The following MICAL3 variants were observed in gnomAD, a reference collection of about 807,000 sequenced individuals.
The protein encoded by MICAL3 is microtubule associated monooxygenase, calponin and LIM domain containing 3, also known as [F-actin]-monooxygenase MICAL3.
In MICAL3, 62 loss-of-function variants were observed where a neutral mutation model predicts 207.4. The observed-to-expected ratio is 0.30, with a 90% CI of 0.24 to 0.37. The LOEUF (loss-of-function observed/expected upper bound fraction) is 0.37, where lower values mean the gene tolerates loss of function less well. Among genes scored for constraint, MICAL3 ranks in the 10% least tolerant of loss-of-function variants. The pLI is 1.00. For missense variants in MICAL3, 2,368 were observed against 2,635.6 expected (o/e 0.90, Z 2.22); for synonymous variants, 1,077 against 1,069.3 (o/e 1.01, Z -0.14).
intron 1 of MICAL3, 64 bp from the exon 2 acceptor site, chr22:17,906,950 T>A (rs1199825879): frequency 4.7e-6 from 4 of 859,140 alleles, no homozygotes; most frequent in Non-Finnish European, 7.2e-6. Context: ...CCAGGAGACA[T>A]ATTCCTCTTC....
At chr22:17,978,831 T>C (rs1935773502) in intron 1 of MICAL3, among the ~76,000 whole-genome samples, 1 of 150,970 alleles carries the variant, frequency 6.6e-6, no homozygotes, top group Admixed American at 6.6e-5. Context: ...AGCGGTACAC[T>C]TAAAATGAAT....
chr22:17,927,778 G>T lies in MICAL3; in HGVS notation c.-74-20892C>A, dbSNP rs371095033. ...ACAAATATGAACCTCCTCATCCATC[G>T]GGGCTTTAGGGCCACATCTCCAAGC... On this transcript the variant is annotated intron_variant, in intron 1 of 31. Coordinates refer to ENST00000441493, the MANE Select transcript of MICAL3 (RefSeq NM_015241.3). Among the ~76,000 whole-genome samples, 6 of 152,068 alleles carry T rather than the reference G, an allele frequency of 3.9e-5. No individual in the cohort carries two copies. The East Asian group carries it at 7.7e-4, about 20-fold the overall frequency.
rs147131450 is a variant in MICAL3, at chr22:17,873,450, C to G, written c.2242-1427G>C. On this transcript the variant is annotated intron_variant, in intron 16 of 31. Transcript: ENST00000441493. ...CGCTCCCAGGCTGTTTTGGAAGAAG[C>G]CTTCTCAGCCCTTTCTCCCTGCTGA... Among the ~76,000 whole-genome samples the G allele has an allele frequency of 1.8e-3, 281 of 152,362 alleles. 3 individuals are homozygous for G. Among genetic ancestry groups the G allele is most frequent in the African/African-American group, 6.6e-3 (274 of 41,586 alleles).
At chr22:17,994,347 A>G (rs1170864913) in intron 1 of MICAL3, among the ~76,000 whole-genome samples, 2 of 152,180 alleles carry the variant, frequency 1.3e-5, no homozygotes, top group East Asian at 3.8e-4. Flanking sequence ...CTTCCCCCTG[A>G]CCAAGCTGCT....
intron 1 of MICAL3, among the ~76,000 whole-genome samples, chr22:18,015,941 T>A (rs1924028202): frequency 6.6e-6 from 1 of 152,224 alleles, no homozygotes; most frequent in African/African-American, 2.4e-5. Context: ...TCTACTTATT[T>A]CTATTATAAC....
intron 22 of MICAL3, among the ~76,000 whole-genome samples, chr22:17,824,681 CCT>C (rs1309989193): frequency 2.0e-5 from 3 of 152,288 alleles, no homozygotes; most frequent in African/African-American, 7.2e-5. Context: ...CATGTGCCTC[CCT>C]GAGATACCAG....
chr22:17,838,225 A>C (rs1004824654), intron 20 of MICAL3, among the ~76,000 whole-genome samples: 7 of 152,208 alleles, frequency 4.6e-5, no homozygotes, highest in Admixed American at 1.3e-4. Flanking sequence ...GGAACTTTTG[A>C]GAACTAAAAA....
chr22:17,879,954 G>A (rs1285793143), intron 16 of MICAL3, among the ~76,000 whole-genome samples: 1 of 152,238 alleles, frequency 6.6e-6, no homozygotes, highest in Non-Finnish European at 1.5e-5. Context: ...ATATGTGAAA[G>A]GGTAAAGACC....
chr22:17,849,644 A>ATGTGTGTG (rs149239378), intron 19 of MICAL3, among the ~76,000 whole-genome samples: 10 of 79,464 alleles, frequency 1.3e-4, no homozygotes, highest in Admixed American at 5.1e-4. Flanking sequence ...CCAGAATGGA[A>ATGTGTGTG]TGTGTGTGTG....
chr22:17,922,213 C>G (rs1036870052), intron 1 of MICAL3, among the ~76,000 whole-genome samples: 2 of 152,020 alleles, frequency 1.3e-5, no homozygotes, highest in African/African-American at 4.8e-5. Flanking sequence ...TCTGCCTACC[C>G]GTTTGTGTTT....
rs924077761 is a variant in MICAL3 at position 17,791,130 on chromosome 22, C to T, written c.5751-59G>A. 2.5e-6 allele frequency: 4 copies of T among 1,604,358 alleles called. No homozygotes were observed. The South Asian group carries it at 4.5e-5, about 18-fold the overall frequency. ...AGTGACTGGGGACCACCCCTCACCC[C>T]CAAATCTGGAAGGACCTCCATGCCG... is the stretch of plus-strand genomic sequence containing the variant. On this transcript the variant is annotated intron_variant, in intron 30 of 31. Coordinates refer to ENST00000441493, the MANE Select transcript of MICAL3 (RefSeq NM_015241.3).
chr22:17,896,989 C>CA lies in MICAL3; in HGVS notation c.949-9dup. 6.2e-7 allele frequency: 1 copy of CA among 1,606,914 alleles called. No individual in the cohort carries two copies. Among genetic ancestry groups the CA allele is most frequent in the Non-Finnish European group, 8.5e-7 (1 of 1,176,224 alleles). Reference sequence around the variant, plus strand: ...CTCTGTGTCGGCGTAGTCCTGTCTCCAGAGAAAGAGGAGGGTAGGGATGGA... The same window carrying CA: ...CTCTGTGTCGGCGTAGTCCTGTCTCCAAGAGAAAGAGGAGGGTAGGGATGGA... On this transcript the variant is annotated splice_polypyrimidine_tract_variant and intron_variant, in intron 7 of 31. Coordinates refer to ENST00000441493, the MANE Select transcript of MICAL3 (RefSeq NM_015241.3).
chr22:17,868,414 C>G (rs1219764507), intron 17 of MICAL3, among the ~76,000 whole-genome samples: 1 of 152,104 alleles, frequency 6.6e-6, no homozygotes, highest in African/African-American at 2.4e-5. Context: ...AATCCCCAAA[C>G]AAGCTGGTGA....
rs117627259 is a variant in MICAL3 at position 17,992,822 on chromosome 22, A to G, written c.-75+31459T>C. Among the ~76,000 whole-genome samples the G allele has an allele frequency of 7.1e-3, 1,079 of 152,274 alleles. 5 individuals carry two copies. Among genetic ancestry groups the G allele is most frequent in the Middle Eastern group, 0.02 (6 of 294 alleles). On this transcript the variant is annotated intron_variant, in intron 1 of 31. Coordinates refer to ENST00000441493, the MANE Select transcript of MICAL3 (RefSeq NM_015241.3). ...TTATCTCACGGGATTTGGAGTCATTAGCTATGCAAATTATTGGGTTTATGG... is the reference window on the plus strand; with the variant it reads ...TTATCTCACGGGATTTGGAGTCATTGGCTATGCAAATTATTGGGTTTATGG...
At chr22:17,802,616 C>T (rs1421548163) in intron 29 of MICAL3, among the ~76,000 whole-genome samples, 1 of 152,160 alleles carries the variant, frequency 6.6e-6, no homozygotes, top group East Asian at 1.9e-4. Flanking sequence ...TCTCTCTTCC[C>T]AGGGAGGTGA....
chr22:17,845,000 C>T (rs535352294), intron 19 of MICAL3, among the ~76,000 whole-genome samples: 13 of 152,296 alleles, frequency 8.5e-5, no homozygotes, highest in African/African-American at 2.4e-4. Flanking sequence ...GCGGCCACCC[C>T]ATAATGAACA....
chr22:17,911,010 G>A (rs1419738946), intron 1 of MICAL3, among the ~76,000 whole-genome samples: 2 of 99,894 alleles, frequency 2.0e-5, no homozygotes, highest in South Asian at 2.8e-4. Context: ...GTGAGGAGCC[G>A]GGTTGGGGGC....
chr22:17,930,189 G>C (rs1328747066), intron 1 of MICAL3, among the ~76,000 whole-genome samples: 3 of 152,178 alleles, frequency 2.0e-5, no homozygotes, highest in Admixed American at 2.0e-4. Flanking sequence ...GGAACAACTG[G>C]AACTCTCAGA....
rs894765892 is a variant in MICAL3, at chr22:17,895,192, T to C, written c.1449+92A>G. 146 of 1,290,454 alleles carry C rather than the reference T, an allele frequency of 1.1e-4. 1 individual carries two copies. Among genetic ancestry groups the C allele is most frequent in the Non-Finnish European group, 1.4e-4 (129 of 908,544 alleles). The allele number at this position is 1,290,454 out of a possible 1,614,324, so 79.9% of individuals were successfully genotyped here. On this transcript the variant is annotated intron_variant, in intron 10 of 31. Coordinates refer to ENST00000441493, the MANE Select transcript of MICAL3 (RefSeq NM_015241.3). ...GACTAAAAAAGTATCCTTGTATGTG[T>C]GGTATTAATAGGTGCACGCATCTCA...
Sources: gnomAD v4.1 joint callset for allele counts (sites outside exome capture counted in the v4.1 genomes callset) on GRCh38, gnomAD v4.1.1 for gene constraint, MANE v1.5 for transcripts, NCBI Gene and HGNC (gene_info 2026-07-23, HGNC 2026-07-21) for gene names.